METTL15: variants seen among roughly 807,000 people sequenced by gnomAD.
METTL15 encodes 12S rRNA N(4)-cytidine methyltransferase METTL15.
Under a neutral mutation model 38.3 loss-of-function variants are expected in METTL15, and 34 were observed. That is an observed-to-expected ratio of 0.89 (90% CI 0.68 to 1.18). METTL15 has a LOEUF of 1.18. Ranked by LOEUF, METTL15 falls within the 50% of genes most tolerant of loss-of-function variation. The pLI is 0.00. For synonymous variants in METTL15, 162 were observed against 170.9 expected (o/e 0.95, Z 0.41); for missense variants, 438 against 498.4 (o/e 0.88, Z 1.15).
chr11:28,263,774 A>G (rs1233473594), intron 4 of METTL15, among the ~76,000 whole-genome samples: 1 of 152,086 alleles, frequency 6.6e-6, no homozygotes, highest in African/African-American at 2.4e-5. Context: ...ATATATGTGA[A>G]TATCTCTGAT....
Position 28,325,700 on chromosome 11 carries a change from A to G in METTL15, c.779-4696A>G, listed in dbSNP as rs188880456. Among the ~76,000 whole-genome samples the G allele has an allele frequency of 3.9e-5, 6 of 152,354 alleles. No homozygotes were observed. The East Asian group carries it at 1.2e-3, about 29-fold the overall frequency. On this transcript the variant is annotated intron_variant, in intron 6 of 6. Coordinates refer to ENST00000407364, the MANE Select transcript of METTL15 (RefSeq NM_001113528.2). ...AGTAATAAACCCCTGAAACTAATTC[A>G]GTAGATCTGGAGTGGAGCCAGGCAT...
At chr11:28,324,073 T>G (rs1348312366) in intron 6 of METTL15, among the ~76,000 whole-genome samples, 2 of 152,238 alleles carry the variant, frequency 1.3e-5, no homozygotes, top group Non-Finnish European at 2.9e-5. Context: ...TCCCATTAAA[T>G]GTACATTAGC....
chr11:28,291,551 G>A (rs1424656914), intron 5 of METTL15, among the ~76,000 whole-genome samples: 1 of 151,996 alleles, frequency 6.6e-6, no homozygotes, highest in Non-Finnish European at 1.5e-5. Flanking sequence ...GTTGTGATAC[G>A]ACCTGTTAAC....
At chr11:28,218,407 T>G (rs1853012072) in intron 4 of METTL15, among the ~76,000 whole-genome samples, 1 of 152,180 alleles carries the variant, frequency 6.6e-6, no homozygotes, top group South Asian at 2.1e-4. Context: ...TACATTGATT[T>G]TGTATCCTGA....
In METTL15 at chr11:28,390,040, G is replaced by A. The variant is rs1299885636; in HGVS notation, c.*358+28004G>A. ...CTGCATAAATGTCTTCTTTTGAGAA[G>A]TGTCTGTTCATATCCTTTGCCCACT... is the stretch of plus-strand genomic sequence containing the variant. On this transcript the variant is annotated intron_variant and NMD_transcript_variant, in intron 5 of 7. Coordinates refer to the METTL15 transcript ENST00000532947. Among the ~76,000 whole-genome samples the A allele has an allele frequency of 4.6e-5, 7 of 151,516 alleles. No homozygotes were observed. In the South Asian group the frequency reaches 1.5e-3, roughly 32 times the overall value.
At chr11:28,353,334 T>C (rs985326395) in intron 4 of METTL15, among the ~76,000 whole-genome samples, 1 of 152,164 alleles carries the variant, frequency 6.6e-6, no homozygotes, top group Admixed American at 6.5e-5. Context: ...TTTGAGAATA[T>C]TAATTTTGAA....
At chr11:28,374,455 C>A (rs201350303) in intron 5 of METTL15, among the ~76,000 whole-genome samples, 1 of 145,072 alleles carries the variant, frequency 6.9e-6, no homozygotes. Flanking sequence ...CTCATGATTT[C>A]GCTCTCTGTT....
intron 3 of METTL15, among the ~76,000 whole-genome samples, chr11:28,121,386 C>A (rs920833760): frequency 1.3e-5 from 2 of 151,998 alleles, no homozygotes; most frequent in African/African-American, 4.8e-5. Context: ...TGCACTGGGA[C>A]CTGAGGAGAG....
intron 4 of METTL15, among the ~76,000 whole-genome samples, chr11:28,276,442 G>A (rs927232965): frequency 3.2e-4 from 49 of 152,070 alleles, no homozygotes; most frequent in African/African-American, 1.2e-3. Flanking sequence ...GTAAATTGAA[G>A]ATGACACAAA....
intron 3 of METTL15, among the ~76,000 whole-genome samples, chr11:28,117,235 A>ATGTGTGTG (rs375202595): frequency 1.4e-4 from 16 of 117,074 alleles, no homozygotes; most frequent in East Asian, 1.1e-3. Flanking sequence ...CTATATATGT[A>ATGTGTGTG]TGTGTGTGTG....
intron 5 of METTL15, among the ~76,000 whole-genome samples, chr11:28,399,721 C>T (rs2133402870): frequency 6.6e-6 from 1 of 151,958 alleles, no homozygotes; most frequent in Middle Eastern, 3.4e-3. Context: ...AATCTACTAT[C>T]AAAATGCATT....
At chr11:28,228,229 A>T (rs577383919) in intron 4 of METTL15, among the ~76,000 whole-genome samples, 1 of 151,826 alleles carries the variant, frequency 6.6e-6, no homozygotes, top group African/African-American at 2.4e-5. Flanking sequence ...CTCAAGGCTT[A>T]TCTGCTTTAG....
chr11:28,220,992 C>G (rs1268201166), intron 4 of METTL15, among the ~76,000 whole-genome samples: 1 of 152,162 alleles, frequency 6.6e-6, no homozygotes. Context: ...CTGCCCTTAA[C>G]ATTTTTTCCT....
At chr11:28,113,028 A>G (rs190908342) in intron 2 of METTL15, among the ~76,000 whole-genome samples, 24 of 152,278 alleles carry the variant, frequency 1.6e-4, no homozygotes, top group Admixed American at 2.6e-4. Flanking sequence ...TTGACCTAAT[A>G]ATCAATTTTC....
At chr11:28,171,460 A>AT (rs1850855039) in intron 3 of METTL15, among the ~76,000 whole-genome samples, 1 of 152,140 alleles carries the variant, frequency 6.6e-6, no homozygotes, top group South Asian at 2.1e-4. Context: ...TCTTAATGTA[A>AT]TTTTTTAAAA....
At chr11:28,472,987 T>G (rs996250094) in intron 6 of METTL15, among the ~76,000 whole-genome samples, 3 of 152,154 alleles carry the variant, frequency 2.0e-5, no homozygotes, top group Non-Finnish European at 2.9e-5. Flanking sequence ...CAGAGTCTGG[T>G]ACTTCATAGG....
At chr11:28,163,846 T>A (rs1344204881) in intron 3 of METTL15, 1 of 163,748 alleles carries the variant, frequency 6.1e-6, no homozygotes, top group Non-Finnish European at 1.3e-5. Flanking sequence ...ACTGAACATA[T>A]GTCCCCTCTT....
At chr11:28,418,513 A>G (rs1850792425) in intron 5 of METTL15, among the ~76,000 whole-genome samples, 1 of 152,094 alleles carries the variant, frequency 6.6e-6, no homozygotes, top group Admixed American at 6.6e-5. Context: ...CTAGCCAGAG[A>G]CAGAGCATGA....
intron 3 of METTL15, among the ~76,000 whole-genome samples, chr11:28,127,522 C>A (rs962828215): frequency 1.3e-5 from 2 of 152,058 alleles, no homozygotes; most frequent in African/African-American, 4.8e-5. Context: ...ATGATACTTT[C>A]AATACTTGGG....
Sources: allele counts gnomAD v4.1 joint callset (sites outside exome capture counted in the v4.1 genomes callset), GRCh38; gene constraint gnomAD v4.1.1; transcripts MANE v1.5; gene names NCBI Gene and HGNC (gene_info 2026-07-23, HGNC 2026-07-21).